SPEF2: variants seen among roughly 807,000 people sequenced by gnomAD.
SPEF2 encodes the protein sperm flagella and cilia-associated protein 2.
Under a neutral mutation model 224.6 loss-of-function variants are expected in SPEF2, and 187 were observed. The ratio of observed to expected loss-of-function variants is 0.83; its 90% CI spans 0.74 to 0.94. The LOEUF (loss-of-function observed/expected upper bound fraction) is 0.94. Among genes scored for constraint, SPEF2 ranks in the 40% least tolerant of loss-of-function variants. The pLI is 0.00. For missense variants in SPEF2, 2,170 were observed against 2,135.6 expected, an observed-to-expected ratio of 1.02 and a Z score of -0.32; for synonymous variants, 715 against 707.3, an observed-to-expected ratio of 1.01 and a Z score of -0.17.
intron 20 of SPEF2, among the ~76,000 whole-genome samples, chr5:35,725,899 T>C (rs1437725694): frequency 1.3e-5 from 2 of 152,162 alleles, no homozygotes; most frequent in Admixed American, 6.5e-5. Context: ...TGCTAATCCA[T>C]AGATTATTTT....
At chr5:35,800,891 C>T (rs562473566) in intron 34 of SPEF2, among the ~76,000 whole-genome samples, 2 of 152,288 alleles carry the variant, frequency 1.3e-5, no homozygotes, top group Non-Finnish European at 2.9e-5. Context: ...GTTCCAGACA[C>T]ACTTCCATCC....
intron 20 of SPEF2, among the ~76,000 whole-genome samples, chr5:35,714,700 A>ATTTATTTT (rs1372195258): frequency 6.8e-6 from 1 of 147,972 alleles, no homozygotes; most frequent in African/African-American, 2.5e-5. Context: ...TTATTTATTT[A>ATTTATTTT]TTTATTTATT....
chr5:35,788,326 T>C (rs974228783), intron 30 of SPEF2: 1 of 702,878 alleles, frequency 1.4e-6, no homozygotes, highest in African/African-American at 1.7e-5. Context: ...AATTAGATGA[T>C]ATGAAAGGTG....
intron 8 of SPEF2, 90 bp downstream of exon 8, chr5:35,659,297 A>G (rs2149448922): frequency 7.8e-6 from 10 of 1,276,160 alleles, no homozygotes; most frequent in Admixed American, 5.3e-5. Context: ...TTTGTTGCCA[A>G]TCATCTAATA....
At chr5:35,675,647 G>A (rs1209039543) in intron 10 of SPEF2, 1 of 211,852 alleles carries the variant, frequency 4.7e-6, no homozygotes, top group Non-Finnish European at 1.0e-5. Context: ...CAGTAGCCAG[G>A]ACTACAGGCC....
chr5:35,706,923 A>G (rs1057237298), intron 18 of SPEF2, among the ~76,000 whole-genome samples: 5 of 152,192 alleles, frequency 3.3e-5, no homozygotes, highest in African/African-American at 7.2e-5. Context: ...AAACAAACCA[A>G]TTCTAACTCA....
At chr5:35,799,271 A>C (rs560947237) in intron 33 of SPEF2, among the ~76,000 whole-genome samples, 3 of 152,202 alleles carry the variant, frequency 2.0e-5, no homozygotes, top group Non-Finnish European at 4.4e-5. Flanking sequence ...GGTGTGGCCT[A>C]TGTGTTCCAG....
intron 30 of SPEF2, among the ~76,000 whole-genome samples, chr5:35,786,974 A>C (rs776104709): frequency 5.9e-5 from 9 of 152,208 alleles, no homozygotes; most frequent in Non-Finnish European, 1.2e-4. Flanking sequence ...TTATATGATA[A>C]AACAGGACAA....
chr5:35,752,594 G>C (rs1010684872), intron 23 of SPEF2, among the ~76,000 whole-genome samples: 14 of 1,388 alleles, frequency 0.01, no homozygotes, highest in African/African-American at 0.052. Context: ...ACTGTGCCTG[G>C]CCTCAGTGAA....
At chr5:35,676,046 AAGACGTT>A in intron 10 of SPEF2, 1 of 456,140 alleles carries the variant, frequency 2.2e-6, no homozygotes, top group Admixed American at 2.3e-5. Context: ...TATCAAGTTC[AAGACGTT>A]AGACCAGAAT....
At chr5:35,703,349 G>A in intron 16 of SPEF2, among the ~76,000 whole-genome samples, 1 of 152,192 alleles carries the variant, frequency 6.6e-6, no homozygotes, top group Admixed American at 6.5e-5. Context: ...ATGCAGTTTA[G>A]GTTTGCTAGA....
At chr5:35,723,396 T>A (rs1394873241) in intron 20 of SPEF2, among the ~76,000 whole-genome samples, 1 of 151,940 alleles carries the variant, frequency 6.6e-6, no homozygotes, top group Non-Finnish European at 1.5e-5. Context: ...AAATCTGAAA[T>A]TCCAGGAGTG....
intron 34 of SPEF2, among the ~76,000 whole-genome samples, chr5:35,801,420 G>A (rs1757406101): frequency 6.6e-6 from 1 of 152,102 alleles, no homozygotes; most frequent in Admixed American, 6.5e-5. Flanking sequence ...GACTGAGACT[G>A]GAGAATTACT....
At chr5:35,722,638 C>T (rs1743924654) in intron 20 of SPEF2, among the ~76,000 whole-genome samples, 1 of 96,132 alleles carries the variant, frequency 1.0e-5, no homozygotes, top group South Asian at 5.2e-4. Flanking sequence ...CTCCCCCCTC[C>T]CCCCACCCCA....
intron 10 of SPEF2, among the ~76,000 whole-genome samples, chr5:35,674,999 G>A (rs1194213774): frequency 6.6e-6 from 1 of 152,020 alleles, no homozygotes; most frequent in Non-Finnish European, 1.5e-5. Context: ...ATGAACCTGA[G>A]CATTAATTCT....
intron 2 of SPEF2, among the ~76,000 whole-genome samples, chr5:35,629,265 T>A (rs1286800353): frequency 1.4e-5 from 2 of 146,392 alleles, no homozygotes; most frequent in African/African-American, 5.1e-5. Context: ...ACCATTCTCC[T>A]GCCTCAGCCT....
intron 30 of SPEF2, chr5:35,790,670 C>T (rs946099184): frequency 4.9e-6 from 1 of 205,378 alleles, no homozygotes; most frequent in African/African-American, 2.3e-5. Flanking sequence ...TTCAGTTATT[C>T]CTAAGGGTGA....
chr5:35,648,238 CTTT>C (rs139486927), intron 5 of SPEF2, among the ~76,000 whole-genome samples: 1 of 151,212 alleles, frequency 6.6e-6, no homozygotes, highest in Admixed American at 6.6e-5. Context: ...CATTAATTCA[CTTT>C]TTTTTTGTTT....
Position 35,710,116 on chromosome 5 carries a change from A to G in SPEF2, c.2839+995A>G, listed in dbSNP as rs556754725. 1,023 of 985,378 alleles carry G rather than the reference A, an allele frequency of 1.0e-3. 8 individuals are homozygous for G. In the African/African-American group the frequency reaches 0.016, roughly 15 times the overall value. 61.0% of individuals were successfully genotyped at this position (985,378 alleles called of 1,614,324 possible). A position where few individuals can be genotyped will look rare whatever the true frequency, so the allele number is the denominator to read the frequency against. The stretch of plus-strand genomic sequence containing the variant: ...GAAATTAACTACAGGCAAAATACAC[A>G]CATCCTAAAAAATGTTTTTATCATG... On this transcript the variant is annotated intron_variant, in intron 19 of 36. Transcript: ENST00000356031.
Sources: allele counts gnomAD v4.1 joint callset (sites outside exome capture counted in the v4.1 genomes callset), GRCh38; gene constraint gnomAD v4.1.1; transcripts MANE v1.5; gene names NCBI Gene and HGNC (gene_info 2026-07-23, HGNC 2026-07-21).